PCDHGA8: variants seen among roughly 807,000 people sequenced by gnomAD.
PCDHGA8 encodes protocadherin gamma-A8.
PCDHGA8 carries 45 observed loss-of-function variants against 59.2 expected under a neutral mutation model. The observed-to-expected ratio is 0.76, with a 90% CI of 0.60 to 0.98. The LOEUF is 0.98. PCDHGA8 is among the 50% of genes least tolerant of loss of function. The probability of loss-of-function intolerance (pLI) is 0.00; values close to 1 mark genes in which losing one functional copy is unlikely to be tolerated. For synonymous variants in PCDHGA8, 531 were observed against 519.0 expected, an observed-to-expected ratio of 1.02 and a Z score of -0.32; for missense variants, 1,257 against 1,196.2, an observed-to-expected ratio of 1.05 and a Z score of -0.75.
chr5:141,422,410 T>C, intron 1 of PCDHGA8: 1 of 1,601,816 alleles, frequency 6.2e-7, no homozygotes, highest in Non-Finnish European at 8.5e-7. Context: ...GCCTTTTAAA[T>C]TAGAAAAGAC....
In PCDHGA8 at chr5:141,485,610, C is replaced by A; in HGVS notation, c.2425-9197C>A. ...CTGGACTTGGAAATTGGGGAGGCAGCTCCTCCAGGACAGCGTTTCCCGTTG... is the reference window on the plus strand; with the variant it reads ...CTGGACTTGGAAATTGGGGAGGCAGATCCTCCAGGACAGCGTTTCCCGTTG... On this transcript the variant is annotated intron_variant, in intron 1 of 3. Coordinates refer to ENST00000398604, the MANE Select transcript of PCDHGA8 (RefSeq NM_032088.2). This position sits in a 1 kb window ranked among gnomAD's most constrained non-coding sequence, Gnocchi z 5.7. The A allele has an allele frequency of 1.2e-6, 2 of 1,612,076 alleles. No individual in the cohort carries two copies. The highest frequency in any genetic ancestry group is 1.7e-6 in the Non-Finnish European group (2 of 1,178,616).
intron 1 of PCDHGA8, chr5:141,433,047 C>G: frequency 1.9e-6 from 3 of 1,614,164 alleles, no homozygotes; most frequent in Non-Finnish European, 2.5e-6. Context: ...ACCACGGACT[C>G]GCGGAAGAGT....
chr5:141,400,709 G>A (rs1361669405), intron 1 of PCDHGA8: 1 of 696,272 alleles, frequency 1.4e-6, no homozygotes, highest in East Asian at 2.7e-5. Flanking sequence ...AAAAGAAGTA[G>A]CCTTATAGAT....
At chr5:141,470,795 C>T (rs947636574) in intron 1 of PCDHGA8, among the ~76,000 whole-genome samples, 2 of 152,182 alleles carry the variant, frequency 1.3e-5, no homozygotes, top group Non-Finnish European at 2.9e-5. Context: ...TCAAGCAATC[C>T]TCCCACTTCA....
rs1363891858 is a variant in PCDHGA8, at chr5:141,491,369, C to T, written c.2425-3438C>T. 8.7e-6 allele frequency: 14 copies of T among 1,614,110 alleles called. No homozygotes were observed. Among genetic ancestry groups the T allele is most frequent in the East Asian group, 2.2e-5 (1 of 44,866 alleles). On this transcript the variant is annotated intron_variant, in intron 1 of 3. Coordinates refer to ENST00000398604, the MANE Select transcript of PCDHGA8 (RefSeq NM_032088.2). The surrounding 1 kb of genome is among the most constrained non-coding windows in gnomAD (Gnocchi z 6.9). ...AGTCTCTTATCCCTAGTCACCTTCACCTTTCTGTCAGCGAAGTGCCTTCAG... is the reference window on the plus strand; with the variant it reads ...AGTCTCTTATCCCTAGTCACCTTCATCTTTCTGTCAGCGAAGTGCCTTCAG...
Position 141,476,024 on chromosome 5 carries a change from C to T in PCDHGA8, c.2425-18783C>T. ...ATCCAGAAAGCCATGTCGGACTCGG[C>T]GCCCAGCGCCCAAGCGCTAACCCGC... On this transcript the variant is annotated intron_variant, in intron 1 of 3. Coordinates refer to ENST00000398604, the MANE Select transcript of PCDHGA8 (RefSeq NM_032088.2). The surrounding 1 kb of genome is among the most constrained non-coding windows in gnomAD (Gnocchi z 7.6). The T allele has an allele frequency of 1.4e-6, 2 of 1,416,548 alleles. No individual in the cohort carries two copies. Among genetic ancestry groups the T allele is most frequent in the Non-Finnish European group, 9.5e-7 (1 of 1,058,066 alleles). 87.7% of individuals were successfully genotyped at this position (1,416,548 alleles called of 1,614,324 possible).
intron 1 of PCDHGA8, chr5:141,400,723 C>A (rs1317017521): frequency 6.1e-6 from 4 of 660,798 alleles, no homozygotes; most frequent in Non-Finnish European, 7.7e-6. Flanking sequence ...TATAGATTTA[C>A]AAAGTAGTGA....
At position 141,392,929 on chromosome 5, in the gene PCDHGA8, C is replaced by T. The variant is rs1474626800; in HGVS notation, c.116C>T (p.Thr39Met). 6 of 1,613,770 alleles carry T rather than the reference C, an allele frequency of 3.7e-6. No individual in the cohort carries two copies. The highest frequency in any genetic ancestry group is 5.1e-6 in the Non-Finnish European group (6 of 1,179,890). Residue 39 changes from threonine to methionine, a missense_variant, in exon 1 of 4, where the codon ACG becomes ATG. Thr to Met is a moderately conservative substitution (Grantham distance 81, BLOSUM62 -1). Coordinates refer to ENST00000398604, the MANE Select transcript of PCDHGA8 (RefSeq NM_032088.2). ...ATTCGCTACTCTGTGCCAGAAGAGACGGACAAAGGCTCCTTCGTGGGTAAT... is the reference window on the plus strand; with the variant it reads ...ATTCGCTACTCTGTGCCAGAAGAGATGGACAAAGGCTCCTTCGTGGGTAAT... ...GQIRYSVPEE[T>M]DKGSFVGNIS...
intron 1 of PCDHGA8, chr5:141,405,392 T>C: frequency 6.3e-7 from 1 of 1,596,104 alleles, no homozygotes; most frequent in Non-Finnish European, 8.5e-7. Flanking sequence ...TTCATTTTTT[T>C]TCTTTCTTTC....
Position 141,431,633 on chromosome 5 carries a change from T to A in PCDHGA8, c.2424+36396T>A. ...TGTGGACGACAAGGCGGCCCAAGTT[T>A]TCAAACTAGATTGTAATTCAGGGAC... On this transcript the variant is annotated intron_variant, in intron 1 of 3. Coordinates refer to ENST00000398604, the MANE Select transcript of PCDHGA8 (RefSeq NM_032088.2). The surrounding 1 kb of genome is among the most constrained non-coding windows in gnomAD (Gnocchi z 4.8). 1 of 1,614,240 alleles carries A rather than the reference T, an allele frequency of 6.2e-7. No individual in the cohort carries two copies. The highest frequency in any genetic ancestry group is 8.5e-7 in the Non-Finnish European group (1 of 1,180,048).
chr5:141,421,397 C>T, intron 1 of PCDHGA8: 1 of 1,614,030 alleles, frequency 6.2e-7, no homozygotes, highest in Non-Finnish European at 8.5e-7. Context: ...GGGCTGGAGC[C>T]CCGGGAGCTG....
intron 1 of PCDHGA8, chr5:141,421,581 C>T (rs2096585155): frequency 2.5e-6 from 4 of 1,613,712 alleles, no homozygotes; most frequent in Admixed American, 1.7e-5. Flanking sequence ...TGAAGATTTA[C>T]GGAGTGGAGG....
intron 1 of PCDHGA8, among the ~76,000 whole-genome samples, chr5:141,452,761 G>A (rs1291983570): frequency 6.6e-6 from 1 of 152,036 alleles, no homozygotes; most frequent in East Asian, 1.9e-4. Flanking sequence ...AGGAAGGGAG[G>A]GAGGGAAAAC....
chr5:141,438,627 T>TATAC (rs2098031123), intron 1 of PCDHGA8, among the ~76,000 whole-genome samples: 4 of 48,012 alleles, frequency 8.3e-5, no homozygotes, highest in Admixed American at 6.2e-4. Flanking sequence ...TATATATATA[T>TATAC]ATATATATAC....
At chr5:141,451,812 C>T (rs974567828) in intron 1 of PCDHGA8, among the ~76,000 whole-genome samples, 1 of 149,686 alleles carries the variant, frequency 6.7e-6, no homozygotes, top group Non-Finnish European at 1.5e-5. Context: ...ACCCAGGAGG[C>T]GGAGGTTACA....
At chr5:141,397,546 T>C (rs576089094) in intron 1 of PCDHGA8, among the ~76,000 whole-genome samples, 2 of 152,300 alleles carry the variant, frequency 1.3e-5, no homozygotes, top group South Asian at 2.1e-4. Flanking sequence ...GAAATCAGTA[T>C]AGTATGAAGG....
At chr5:141,451,832 G>A (rs1190124133) in intron 1 of PCDHGA8, among the ~76,000 whole-genome samples, 1 of 150,948 alleles carries the variant, frequency 6.6e-6, no homozygotes, top group Non-Finnish European at 1.5e-5. Context: ...AGTGAGCCGA[G>A]ATCACACCAC....
rs754178145 is a variant in PCDHGA8 at position 141,489,423 on chromosome 5, C to G, written c.2425-5384C>G. On this transcript the variant is annotated intron_variant, in intron 1 of 3. Transcript: ENST00000398604. The surrounding 1 kb of genome is among the most constrained non-coding windows in gnomAD (Gnocchi z 4.5). ...GCTTAAAGATGACAGATCTGTTGAG[C>G]CGGCGGCTGCAATTGGGCTCTGAGG... 3 of 1,614,098 alleles carry G rather than the reference C, an allele frequency of 1.9e-6. No individual in the cohort carries two copies. The highest frequency in any genetic ancestry group is 1.7e-5 in the Admixed American group (1 of 60,020).
chr5:141,447,851 C>T (rs961725006), intron 1 of PCDHGA8, among the ~76,000 whole-genome samples: 1 of 151,980 alleles, frequency 6.6e-6, no homozygotes, highest in East Asian at 1.9e-4. Flanking sequence ...TTTGGGAGGC[C>T]GAGGTGGGTG....
Sources: allele counts gnomAD v4.1 joint callset (sites outside exome capture counted in the v4.1 genomes callset), GRCh38; gene constraint gnomAD v4.1.1; non-coding constraint Gnocchi (gnomAD v3.1); transcripts MANE v1.5; gene names NCBI Gene and HGNC (gene_info 2026-07-23, HGNC 2026-07-21).